The following METAP1 variants were observed in gnomAD, a reference collection of about 807,000 sequenced individuals.
The protein encoded by METAP1 is methionine aminopeptidase 1.
METAP1 carries 28 observed loss-of-function variants against 53.8 expected under a neutral mutation model. The observed-to-expected ratio is 0.52, with a 90% CI of 0.39 to 0.71. METAP1 has a LOEUF of 0.71. Among genes scored for constraint, METAP1 ranks in the 30% least tolerant of loss-of-function variants. The pLI is 0.00. For synonymous variants in METAP1, 181 were observed against 165.7 expected (o/e 1.09, Z -0.71); for missense variants, 389 against 479.8 (o/e 0.81, Z 1.77).
At position 99,031,436 on chromosome 4, in the gene METAP1, G is replaced by T. The variant is rs1579289352; in HGVS notation, c.166+2518G>T. 7.8e-6 allele frequency: 10 copies of T among 1,274,720 alleles called. No homozygotes were observed. In the East Asian group the frequency reaches 1.7e-4, roughly 21 times the overall value. The allele number at this position is 1,274,720 out of a possible 1,614,324, so 79.0% of individuals were successfully genotyped here. On this transcript the variant is annotated intron_variant, in intron 2 of 10. Transcript: ENST00000296411. The stretch of plus-strand genomic sequence containing the variant: ...GGTATAAAAGCCGCATTTAATAAAA[G>T]AACTCTAAGTAATACTTTTCCTTCC...
intron 1 of METAP1, among the ~76,000 whole-genome samples, chr4:99,006,845 G>A (rs74922793): frequency 0.078 from 11,928 of 152,126 alleles, 1,199 homozygotes; most frequent in East Asian, 0.57. Flanking sequence ...TTGTCTTGTA[G>A]AATGTTACAC....
chr4:99,000,602 G>A (rs1029977656), intron 1 of METAP1, among the ~76,000 whole-genome samples: 1 of 150,982 alleles, frequency 6.6e-6, no homozygotes, highest in Non-Finnish European at 1.5e-5. Flanking sequence ...CCAATAATAG[G>A]TTCTTTAAAA....
intron 2 of METAP1, among the ~76,000 whole-genome samples, chr4:99,031,930 A>G (rs537360162): frequency 1.3e-5 from 2 of 148,638 alleles, no homozygotes; most frequent in Non-Finnish European, 2.9e-5. Context: ...TTACAAATGT[A>G]TATTTATACT....
At chr4:99,022,768 C>T (rs890015964) in intron 1 of METAP1, 87 of 1,602,202 alleles carry the variant, frequency 5.4e-5, no homozygotes, top group African/African-American at 3.5e-4. Flanking sequence ...GTAGACTGGC[C>T]GCCACACTCT....
At chr4:99,050,881 A>G (rs1189639380) in intron 9 of METAP1, among the ~76,000 whole-genome samples, 1 of 152,156 alleles carries the variant, frequency 6.6e-6, no homozygotes, top group Non-Finnish European at 1.5e-5. Flanking sequence ...CCCTAGTGCA[A>G]AATAGGTTGG....
At chr4:99,047,293 A>G (rs576462052) in intron 8 of METAP1, among the ~76,000 whole-genome samples, 41 of 152,312 alleles carry the variant, frequency 2.7e-4, no homozygotes, top group African/African-American at 9.1e-4. Context: ...GTCTCTACCC[A>G]GTAAATGCCA....
At chr4:99,005,247 TA>T (rs1723120673) in intron 1 of METAP1, among the ~76,000 whole-genome samples, 1 of 152,016 alleles carries the variant, frequency 6.6e-6, no homozygotes, top group South Asian at 2.1e-4. Context: ...GACAAAGGAC[TA>T]ATACCCAGAA....
Position 99,048,870 on chromosome 4 carries a change from T to C in METAP1, c.925T>C (p.Tyr309His). The C allele has an allele frequency of 6.2e-7, 1 of 1,613,942 alleles. No homozygotes were observed. Among genetic ancestry groups the C allele is most frequent in the Non-Finnish European group, 8.5e-7 (1 of 1,179,856 alleles). ...LFHTAPNVPH[Y>H]AKNKAVGVMK... ...TCATACAGCTCCCAATGTACCCCAC[T>C]ATGCTAGTAAGTACTATCCAGAGAT... The change falls in exon 9 of 11, where the codon TAT becomes CAT. Residue 309 changes from tyrosine to histidine, a missense_variant. By Grantham distance (83) the Tyr-to-His change is moderately conservative. Coordinates refer to ENST00000296411, the MANE Select transcript of METAP1 (RefSeq NM_015143.3).
Position 99,038,499 on chromosome 4 carries a change from A to G in METAP1, c.341-875A>G, listed in dbSNP as rs142126344. On this transcript the variant is annotated intron_variant, in intron 4 of 10. Coordinates refer to ENST00000296411, the MANE Select transcript of METAP1 (RefSeq NM_015143.3). Reference sequence around the variant, plus strand: ...TGAATAGATTTGTCAGTATTGAACTATCCTTGCCTTCTGGTATGAATCTCA... The same window carrying G: ...TGAATAGATTTGTCAGTATTGAACTGTCCTTGCCTTCTGGTATGAATCTCA... Among the ~76,000 whole-genome samples, 145 of 152,170 alleles carry G rather than the reference A, an allele frequency of 9.5e-4. 3 individuals are homozygous for G. In the East Asian group the frequency reaches 0.025, roughly 26 times the overall value.
chr4:99,002,845 C>T (rs1206747351), intron 1 of METAP1, among the ~76,000 whole-genome samples: 6 of 152,210 alleles, frequency 3.9e-5, no homozygotes, highest in Admixed American at 6.5e-5. Context: ...GAGGCTGAGG[C>T]GGGCAGATAT....
intron 1 of METAP1, among the ~76,000 whole-genome samples, chr4:99,012,028 C>T (rs1023812488): frequency 1.2e-4 from 19 of 152,246 alleles, no homozygotes; most frequent in African/African-American, 3.6e-4. Context: ...CTCTTTTCTT[C>T]GGTAGTCTAG....
At chr4:99,010,392 G>T (rs991400746) in intron 1 of METAP1, among the ~76,000 whole-genome samples, 3 of 152,174 alleles carry the variant, frequency 2.0e-5, no homozygotes. Context: ...AGAGTTTGAG[G>T]TGGCAGTGAG....
chr4:99,012,652 GTTTTTTTT>G (rs78437310), intron 1 of METAP1, among the ~76,000 whole-genome samples: 5 of 90,362 alleles, frequency 5.5e-5, no homozygotes, highest in African/African-American at 1.5e-4. Context: ...ATCCCATAAA[GTTTTTTTT>G]TTTTTTTTTT....
intron 1 of METAP1, among the ~76,000 whole-genome samples, chr4:99,001,475 T>G (rs77803052): frequency 0.012 from 1,886 of 152,344 alleles, 39 homozygotes; most frequent in African/African-American, 0.043. Context: ...GCGTATTTAT[T>G]CATGTGCACA....
rs17028397 is a variant in METAP1 at position 99,038,418 on chromosome 4, A to C, written c.341-956A>C. On this transcript the variant is annotated intron_variant, in intron 4 of 10. Transcript: ENST00000296411. ...GGTAGCTGGCCATGTTATCAGAATT[A>C]ACTTTCCTTCTAGATGATTATTTAC... 7.2e-3 allele frequency among the ~76,000 whole-genome samples: 1,096 copies of C among 152,160 alleles called. 9 individuals carry two copies. The highest frequency in any genetic ancestry group is 0.025 in the African/African-American group (1,037 of 41,558).
chr4:99,008,529 C>T (rs576767618), intron 1 of METAP1, among the ~76,000 whole-genome samples: 2 of 152,254 alleles, frequency 1.3e-5, no homozygotes, highest in South Asian at 4.1e-4. Context: ...TGTTTGGTTT[C>T]TTATCTTTCC....
chr4:99,035,493 A>G (rs983374843), intron 4 of METAP1, 33 bp downstream of exon 4: 69 of 1,482,468 alleles, frequency 4.7e-5, no homozygotes, highest in Non-Finnish European at 6.4e-5. Flanking sequence ...TTCATTTTTC[A>G]ATTTGTGGGC....
intron 4 of METAP1, among the ~76,000 whole-genome samples, chr4:99,036,572 C>CT (rs958617583): frequency 6.6e-6 from 1 of 152,060 alleles, no homozygotes; most frequent in African/African-American, 2.4e-5. Flanking sequence ...TCTCTGCCAT[C>CT]TATACACAAA....
At chr4:99,039,509 G>C (rs1474730716) in intron 5 of METAP1, 44 bp downstream of exon 5, 5 of 1,165,488 alleles carry the variant, frequency 4.3e-6, no homozygotes, top group South Asian at 1.3e-5. Flanking sequence ...TGTTTAAGCA[G>C]TACTTAGACA....
Sources: allele counts gnomAD v4.1 joint callset (sites outside exome capture counted in the v4.1 genomes callset), GRCh38; gene constraint gnomAD v4.1.1; transcripts MANE v1.5; gene names NCBI Gene and HGNC (gene_info 2026-07-23, HGNC 2026-07-21).